The following PLD5 variants were observed in gnomAD, a reference collection of about 807,000 sequenced individuals.
PLD5 encodes the protein inactive phospholipase D5.
PLD5 carries 36 observed loss-of-function variants against 61.1 expected under a neutral mutation model. That is an observed-to-expected ratio of 0.59 (90% CI 0.45 to 0.78). PLD5 has a LOEUF of 0.78. Among genes scored for constraint, PLD5 ranks in the 30% least tolerant of loss-of-function variants. The pLI, the probability that PLD5 is intolerant of heterozygous loss-of-function variation, is 0.00. For missense variants in PLD5, 515 were observed against 644.4 expected (o/e 0.80, Z 2.17); for synonymous variants, 243 against 242.8 (o/e 1.00, Z -0.01).
intron 3 of PLD5, among the ~76,000 whole-genome samples, chr1:242,282,441 T>TC (rs1188129701): frequency 6.6e-6 from 1 of 152,098 alleles, no homozygotes; most frequent in African/African-American, 2.4e-5. Flanking sequence ...AAAAACAACC[T>TC]CTTGGATCAC....
At chr1:242,345,718 T>G in intron 2 of PLD5, 3 of 699,974 alleles carry the variant, frequency 4.3e-6, no homozygotes, top group East Asian at 2.6e-5. Flanking sequence ...TTGTGGAAGA[T>G]CAAATCAAAT....
At chr1:242,448,115 C>T (rs1666623072) in intron 1 of PLD5, among the ~76,000 whole-genome samples, 1 of 152,150 alleles carries the variant, frequency 6.6e-6, no homozygotes, top group Admixed American at 6.5e-5. Flanking sequence ...TTAAGAACTG[C>T]TCAAATGGAT....
At chr1:242,332,761 A>C (rs1014742654) in intron 2 of PLD5, among the ~76,000 whole-genome samples, 2 of 152,206 alleles carry the variant, frequency 1.3e-5, no homozygotes, top group African/African-American at 4.8e-5. Context: ...TCTAGTCCAC[A>C]TTTCTAATGG....
At position 242,425,639 on chromosome 1, in the gene PLD5, C is replaced by CTT. The variant is rs35709516; in HGVS notation, c.190-77399_190-77398dup. On this transcript the variant is annotated intron_variant, in intron 1 of 9. Coordinates refer to ENST00000536534, the MANE Select transcript of PLD5 (RefSeq NM_001372062.1). ...ATAAATTAACCTTAGCTTACTGTAA[C>CTT]TTTTTTTTTTTTTTTTTTTTTGAGA... Among the ~76,000 whole-genome samples, 378 of 129,880 alleles carry CTT rather than the reference C, an allele frequency of 2.9e-3. 7 individuals carry two copies. Among genetic ancestry groups the CTT allele is most frequent in the African/African-American group, 7.4e-3 (252 of 34,082 alleles). The allele number at this position is 129,880 out of a possible 152,430, so 85.2% of individuals were successfully genotyped here.
intron 1 of PLD5, among the ~76,000 whole-genome samples, chr1:242,503,923 C>T (rs1250029688): frequency 6.6e-6 from 1 of 152,180 alleles, no homozygotes; most frequent in Non-Finnish European, 1.5e-5. Context: ...AACAACTCTT[C>T]ACATTTTTTA....
rs1487837376 is a variant in PLD5 at position 242,167,067 on chromosome 1, CAATAATAATAGTAATAATAATAAT to C, written c.736-42426_736-42403del. 4.2e-4 allele frequency among the ~76,000 whole-genome samples: 23 copies of C among 55,244 alleles called. No homozygotes were observed. In the East Asian group the frequency reaches 5.4e-3, roughly 13 times the overall value. The allele number at this position is 55,244 out of a possible 152,430, so 36.2% of individuals were successfully genotyped here. ...CTGGTAGCCTTTTGAGAGTGAGAGA[CAATAATAATAGTAATAATAATAAT>C]AATAATAATAATAATAATAATAATA... On this transcript the variant is annotated intron_variant, in intron 5 of 9. Coordinates refer to ENST00000536534, the MANE Select transcript of PLD5 (RefSeq NM_001372062.1).
rs71570942 is a variant in PLD5 at position 242,214,871 on chromosome 1, C to CTTTTTT, written c.735+5111_735+5116dup. On this transcript the variant is annotated intron_variant, in intron 5 of 9. Transcript: ENST00000536534. ...GTCCACTCGATATGTCATTAAACAC[C>CTTTTTT]TTTTTTTTTTTTTTTTTTTTTTTGA... is the stretch of plus-strand genomic sequence containing the variant. Among the ~76,000 whole-genome samples, 466 of 92,472 alleles carry CTTTTTT rather than the reference C, an allele frequency of 5.0e-3. 12 individuals carry two copies. The highest frequency in any genetic ancestry group is 8.3e-3 in the East Asian group (25 of 3,014). The allele number at this position is 92,472 out of a possible 152,430, so 60.7% of individuals were successfully genotyped here. A position where few individuals can be genotyped will look rare whatever the true frequency, so the allele number is the denominator to read the frequency against.
intron 5 of PLD5, among the ~76,000 whole-genome samples, chr1:242,167,218 A>C (rs1428282999): frequency 6.6e-6 from 1 of 152,142 alleles, no homozygotes; most frequent in African/African-American, 2.4e-5. Context: ...CTAACTTATT[A>C]GTTTGTTCTC....
intron 5 of PLD5, among the ~76,000 whole-genome samples, chr1:242,191,202 C>A (rs1378877406): frequency 1.4e-5 from 2 of 145,018 alleles, no homozygotes; most frequent in African/African-American, 5.1e-5. Context: ...AGTAGGAAAA[C>A]AAAATATAGT....
At chr1:242,316,345 G>C (rs1574718942) in intron 2 of PLD5, among the ~76,000 whole-genome samples, 1 of 152,284 alleles carries the variant, frequency 6.6e-6, no homozygotes, top group East Asian at 1.9e-4. Context: ...TCAGGAAACA[G>C]TGTGCTCTGT....
intron 4 of PLD5, among the ~76,000 whole-genome samples, chr1:242,263,989 T>TTCC (rs1226455575): frequency 2.6e-4 from 40 of 152,266 alleles, no homozygotes; most frequent in Non-Finnish European, 3.8e-4. Context: ...CTCCTTCTCT[T>TTCC]CCTAACACAT....
intron 5 of PLD5, among the ~76,000 whole-genome samples, chr1:242,218,041 TA>T (rs1210245506): frequency 6.6e-6 from 1 of 152,234 alleles, no homozygotes; most frequent in Non-Finnish European, 1.5e-5. Flanking sequence ...AAAATGCTTT[TA>T]AACAGCACCA....
chr1:242,115,671 C>T (rs1661892030), intron 6 of PLD5, among the ~76,000 whole-genome samples: 2 of 128,384 alleles, frequency 1.6e-5, no homozygotes, highest in Admixed American at 1.5e-4. Flanking sequence ...AAAAAAAAAT[C>T]TTGGAGTTTT....
At chr1:242,372,057 A>T (rs1207738804) in intron 1 of PLD5, among the ~76,000 whole-genome samples, 5 of 152,062 alleles carry the variant, frequency 3.3e-5, no homozygotes, top group African/African-American at 1.2e-4. Context: ...CTGGTGTGTG[A>T]TGTTCCCCTC....
intron 2 of PLD5, among the ~76,000 whole-genome samples, chr1:242,323,431 C>T (rs1220446807): frequency 2.0e-5 from 3 of 152,244 alleles, no homozygotes; most frequent in African/African-American, 7.2e-5. Context: ...AGGAATCTGA[C>T]ATCCCAAAGG....
At chr1:242,358,745 G>A (rs868776830) in intron 1 of PLD5, among the ~76,000 whole-genome samples, 2 of 152,206 alleles carry the variant, frequency 1.3e-5, no homozygotes, top group South Asian at 4.1e-4. Context: ...GCTATACTCA[G>A]TATATTATAT....
intron 1 of PLD5, among the ~76,000 whole-genome samples, chr1:242,411,076 G>T (rs1260918054): frequency 6.6e-6 from 1 of 152,114 alleles, no homozygotes; most frequent in Non-Finnish European, 1.5e-5. Flanking sequence ...TTTGATAAGA[G>T]AAATAAATCA....
intron 1 of PLD5, among the ~76,000 whole-genome samples, chr1:242,393,081 G>T (rs375654954): frequency 6.6e-6 from 1 of 150,998 alleles, no homozygotes; most frequent in Admixed American, 6.7e-5. Flanking sequence ...ATGCGTGCCT[G>T]TAATCCCAGC....
At position 242,207,873 on chromosome 1, in the gene PLD5, T is replaced by TATTTATATATATTC. The variant is rs1177288196; in HGVS notation, c.735+12114_735+12115insGAATATATATAAAT. Reference sequence around the variant, plus strand: ...ATATTTATATATTTATATATTTATATATATTTATATATTTATATATATTTA... The same window carrying TATTTATATATATTC: ...ATATTTATATATTTATATATTTATATATTTATATATATTCATATTTATATATTTATATATATTTA... On this transcript the variant is annotated intron_variant, in intron 5 of 9. Coordinates refer to ENST00000536534, the MANE Select transcript of PLD5 (RefSeq NM_001372062.1). 2.8e-4 allele frequency among the ~76,000 whole-genome samples: 22 copies of TATTTATATATATTC among 79,914 alleles called. 5 individuals are homozygous for TATTTATATATATTC. The highest frequency in any genetic ancestry group is 0.011 in the Middle Eastern group (2 of 190). 52.4% of individuals were successfully genotyped at this position (79,914 alleles called of 152,430 possible).
Sources: gnomAD v4.1 joint callset for allele counts (sites outside exome capture counted in the v4.1 genomes callset) on GRCh38, gnomAD v4.1.1 for gene constraint, MANE v1.5 for transcripts, NCBI Gene and HGNC (gene_info 2026-07-23, HGNC 2026-07-21) for gene names.